The following ABCA8 variants were observed in gnomAD, a reference collection of about 807,000 sequenced individuals.
The protein encoded by ABCA8 is ATP binding cassette subfamily A member 8.
In ABCA8, 177 loss-of-function variants were observed where a neutral mutation model predicts 192.3. That is an observed-to-expected ratio of 0.92 (90% CI 0.81 to 1.04). ABCA8 has a LOEUF of 1.04. Among genes scored for constraint, ABCA8 ranks in the 50% least tolerant of loss-of-function variants. The pLI, the probability that ABCA8 is intolerant of heterozygous loss-of-function variation, is 0.00. For missense variants in ABCA8, 1,915 were observed against 1,904.8 expected, an observed-to-expected ratio of 1.01 and a Z score of -0.10; for synonymous variants, 642 against 690.2, an observed-to-expected ratio of 0.93 and a Z score of 1.09.
At position 68,877,662 on chromosome 17, in the gene ABCA8, G is replaced by T. The variant is rs756385374; in HGVS notation, c.4056C>A (p.Ser1352Arg). The change falls in exon 33 of 40, where the codon AGC becomes AGA. Residue 1352 changes from serine to arginine, a missense_variant. Transcript: ENST00000586539. Reference sequence around the variant, plus strand: ...GGAACTCCAGGGCATCCCCTCCACCGCTCCCTTTCAGTAGCACCTGCAGAT... The same window carrying T: ...GGAACTCCAGGGCATCCCCTCCACCTCTCCCTTTCAGTAGCACCTGCAGAT... Reference protein sequence around the residue: ...PTAGQVLLKGSGGGDALEFLG... With the variant: ...PTAGQVLLKGRGGGDALEFLG... 10 of 1,610,286 alleles carry T rather than the reference G, an allele frequency of 6.2e-6. No individual in the cohort carries two copies. The highest frequency in any genetic ancestry group is 2.2e-5 in the East Asian group (1 of 44,736).
intron 32 of ABCA8, chr17:68,879,992 G>A (rs1013245014): frequency 6.6e-6 from 1 of 152,184 alleles, no homozygotes; most frequent in Non-Finnish European, 1.5e-5. Flanking sequence ...GTTCTCTGGT[G>A]AAACCCCACC....
rs1489318430 is a variant in ABCA8, at chr17:68,882,700, C to T, written c.3727G>A (p.Asp1243Asn). Residue 1243 changes from aspartate (D) to asparagine (N), a missense_variant, in exon 30 of 40, where the codon GAT (aspartate) becomes AAT (asparagine). By Grantham distance (23) the Asp-to-Asn change is conservative. Coordinates refer to ENST00000586539, the MANE Select transcript of ABCA8 (RefSeq NM_001288985.2). ...GGTTCTTCTGGATTTTGACACACAT[C>T]ACTACTTCTTGGAGAAATTCTAGAG... is the stretch of plus-strand genomic sequence containing the variant. ...PFFRISPRSS[D>N]VCQNPEEPEG... The T allele has an allele frequency of 1.2e-6, 2 of 1,612,116 alleles. No individual in the cohort carries two copies. The highest frequency in any genetic ancestry group is 3.3e-5 in the Admixed American group (2 of 59,774).
chr17:68,913,569 A>C (rs2067276151), intron 17 of ABCA8, among the ~76,000 whole-genome samples: 1 of 152,130 alleles, frequency 6.6e-6, no homozygotes, highest in Admixed American at 6.5e-5. Flanking sequence ...CTGATACTGC[A>C]GAAATTCAAA....
intron 14 of ABCA8, among the ~76,000 whole-genome samples, chr17:68,918,930 C>CAAAAAAAAAAAAAAAAAAAAAAAAAAA: frequency 2.2e-5 from 1 of 45,954 alleles, no homozygotes; most frequent in Non-Finnish European, 4.5e-5. Flanking sequence ...AACTCTGTCT[C>CAAAAAAAAAAAAAAAAAAAAAAAAAAA]AAAAAAAAAA....
At chr17:68,953,735 C>T (rs141375712) in intron 1 of ABCA8, among the ~76,000 whole-genome samples, 140 of 152,250 alleles carry the variant, frequency 9.2e-4, no homozygotes, top group African/African-American at 3.0e-3. Context: ...AATCACACTC[C>T]GTATACAGAC....
At position 68,893,366 on chromosome 17, in the gene ABCA8, G is replaced by A. The variant is rs143645380; in HGVS notation, c.3036+807C>T. ...ATACATTCCGATCACTTGGACCTTT[G>A]TTTAAGAATAGATTCCCTCCTTTCA... On this transcript the variant is annotated intron_variant, in intron 23 of 39. Transcript: ENST00000586539. Among the ~76,000 whole-genome samples the A allele has an allele frequency of 4.3e-3, 653 of 152,270 alleles. 6 individuals are homozygous for A. Among genetic ancestry groups the A allele is most frequent in the African/African-American group, 0.015 (606 of 41,558 alleles).
chr17:68,930,105 T>A (rs1316146053), intron 7 of ABCA8, among the ~76,000 whole-genome samples: 1 of 152,140 alleles, frequency 6.6e-6, no homozygotes, highest in African/African-American at 2.4e-5. Flanking sequence ...TTTATTTCTC[T>A]GGACACCAGG....
chr17:68,940,644 G>T (rs539886328), intron 4 of ABCA8, 114 bp downstream of exon 4: 8 of 921,772 alleles, frequency 8.7e-6, no homozygotes, highest in Non-Finnish European at 1.3e-5. Flanking sequence ...CCCAATTCAT[G>T]TACTCCAGAA....
chr17:68,894,728 T>C (rs1019748002), intron 22 of ABCA8, 152 bp downstream of exon 22: 2 of 813,512 alleles, frequency 2.5e-6, no homozygotes, highest in Non-Finnish European at 3.7e-6. Flanking sequence ...GATGGATATA[T>C]GAATTGTTTA....
chr17:68,917,330 A>T lies in ABCA8; in HGVS notation c.2138+31T>A, dbSNP rs773178388. On this transcript the variant is annotated intron_variant, in intron 17 of 39. Transcript: ENST00000586539. Reference sequence around the variant, plus strand: ...CTTCAAGCATCAAGCCTTACACTAGATCTACTCCCAGCCTTCTTAAGTGAC... The same window carrying T: ...CTTCAAGCATCAAGCCTTACACTAGTTCTACTCCCAGCCTTCTTAAGTGAC... 3 of 1,382,200 alleles carry T rather than the reference A, an allele frequency of 2.2e-6. No homozygotes were observed. The Admixed American group carries it at 5.5e-5, about 26-fold the overall frequency. 85.6% of individuals were successfully genotyped at this position (1,382,200 alleles called of 1,614,324 possible).
intron 13 of ABCA8, among the ~76,000 whole-genome samples, chr17:68,921,004 G>A (rs889880313): frequency 3.3e-5 from 5 of 152,266 alleles, no homozygotes; most frequent in Admixed American, 1.3e-4. Context: ...TATACACCAT[G>A]GAATACTATG....
Position 68,916,587 on chromosome 17 carries a change from C to T in ABCA8, c.2138+774G>A, listed in dbSNP as rs568908182. On this transcript the variant is annotated intron_variant, in intron 17 of 39. Transcript: ENST00000586539. ...AATGTTAAATATCTTATCTGAGTCA[C>T]TCAGTAAATTACAGTTAGAATATGC... Among the ~76,000 whole-genome samples, 5 of 152,106 alleles carry T rather than the reference C, an allele frequency of 3.3e-5. No homozygotes were observed. The East Asian group carries it at 9.6e-4, about 29-fold the overall frequency.
chr17:68,919,219 A>G (rs1332394861), intron 14 of ABCA8, 82 bp downstream of exon 14: 2 of 1,293,812 alleles, frequency 1.5e-6, no homozygotes, highest in Admixed American at 2.2e-5. Context: ...TTGCGCACAA[A>G]TAATTTAAAA....
intron 17 of ABCA8, among the ~76,000 whole-genome samples, chr17:68,913,780 A>C (rs2067281397): frequency 6.6e-6 from 1 of 152,104 alleles, no homozygotes; most frequent in Admixed American, 6.5e-5. Flanking sequence ...GAATTCTACC[A>C]AATACTTAAA....
At chr17:68,895,342 A>G in intron 21 of ABCA8, among the ~76,000 whole-genome samples, 1 of 152,154 alleles carries the variant, frequency 6.6e-6, no homozygotes, top group East Asian at 1.9e-4. Context: ...TTGCTAAGTC[A>G]TTTTACTACT....
intron 27 of ABCA8, 26 bp downstream of exon 27, chr17:68,885,170 C>A (rs1369475133): frequency 1.2e-6 from 2 of 1,602,810 alleles, no homozygotes; most frequent in Non-Finnish European, 1.7e-6. Context: ...TTTCAAGGGA[C>A]TGGGACAGAC....
Position 68,919,480 on chromosome 17 carries a change from T to C in ABCA8, c.1613-4A>G. 1 of 1,608,610 alleles carries C rather than the reference T, an allele frequency of 6.2e-7. No homozygotes were observed. Among genetic ancestry groups the C allele is most frequent in the Non-Finnish European group, 8.5e-7 (1 of 1,177,256 alleles). On this transcript the variant is annotated splice_region_variant and splice_polypyrimidine_tract_variant and intron_variant, in intron 13 of 39. Coordinates refer to ENST00000586539, the MANE Select transcript of ABCA8 (RefSeq NM_001288985.2). ...TTGTTATAGATGGTGACTGAACCTG[T>C]AACAAAGGAAAAGTTAATATCAAGA... is the stretch of plus-strand genomic sequence containing the variant.
At chr17:68,894,098 T>G in intron 23 of ABCA8, 75 bp downstream of exon 23, 1 of 1,498,208 alleles carries the variant, frequency 6.7e-7, no homozygotes, top group Non-Finnish European at 9.3e-7. Flanking sequence ...AAAACAAGAT[T>G]CCAGCACTTA....
chr17:68,869,706 C>T lies in ABCA8; in HGVS notation c.4705G>A (p.Glu1569Lys). 1.2e-6 allele frequency: 2 copies of T among 1,608,596 alleles called. No homozygotes were observed. Among genetic ancestry groups the T allele is most frequent in the Non-Finnish European group, 1.7e-6 (2 of 1,175,172 alleles). ...TCAAAGTCATACTTCTTACCCTTCT[C>T]TAATTTGAAGAAAGCTTGGGCTAAA... ...QPLAQAFFKL[E>K]KVKQSFDLEE... The change falls in exon 38 of 40, where the codon GAG (glutamate) becomes AAG (lysine). Residue 1569 changes from glutamate (E) to lysine (K), a missense_variant. Physicochemically the swap from Glu to Lys is moderately conservative, Grantham distance 56 (BLOSUM62 1). Transcript: ENST00000586539.
Sources: gnomAD v4.1 joint callset for allele counts (sites outside exome capture counted in the v4.1 genomes callset) on GRCh38, gnomAD v4.1.1 for gene constraint, MANE v1.5 for transcripts, NCBI Gene and HGNC (gene_info 2026-07-23, HGNC 2026-07-21) for gene names.